LINGO2: variants seen among roughly 807,000 people sequenced by gnomAD.
LINGO2 encodes leucine rich repeat and Ig domain containing 2.
Under a neutral mutation model 30.6 loss-of-function variants are expected in LINGO2, and 14 were observed. The ratio of observed to expected loss-of-function variants is 0.46; its 90% confidence interval spans 0.30 to 0.72. The LOEUF (loss-of-function observed/expected upper bound fraction) is 0.72. LINGO2 is among the 30% of genes least tolerant of loss of function. The probability of loss-of-function intolerance (pLI) is 0.07; values close to 1 mark genes in which losing one functional copy is unlikely to be tolerated. For synonymous variants in LINGO2, 317 were observed against 288.5 expected, an observed-to-expected ratio of 1.10 and a Z score of -1.00; for missense variants, 729 against 751.7, an observed-to-expected ratio of 0.97 and a Z score of 0.35.
At chr9:28,501,918 A>C (rs1051515296) in intron 1 of LINGO2, among the ~76,000 whole-genome samples, 5 of 152,094 alleles carry the variant, frequency 3.3e-5, no homozygotes. Flanking sequence ...TGGAAACACA[A>C]ATTAAAGTGA....
rs16912159 is a variant in LINGO2 at position 27,973,996 on chromosome 9, T to C, written c.-35-23290A>G. 9.4e-3 allele frequency among the ~76,000 whole-genome samples: 1,434 copies of C among 152,232 alleles called. 25 individuals are homozygous for C. Among genetic ancestry groups the C allele is most frequent in the African/African-American group, 0.033 (1,368 of 41,554 alleles). ...TTTCTCTTCTACTCAAGAGTACAAA[T>C]GGACTCAAGAGTAAGTAAAAATGGT... On this transcript the variant is annotated intron_variant, in intron 5 of 5. Transcript: ENST00000379992.
intron 4 of LINGO2, among the ~76,000 whole-genome samples, chr9:28,172,024 A>AAC (rs1554682021): frequency 2.2e-5 from 2 of 92,192 alleles, no homozygotes; most frequent in South Asian, 3.5e-4. Flanking sequence ...CTCAAAAAAA[A>AAC]AAAAAAAAAC....
At chr9:28,107,861 T>C (rs1826644303) in intron 4 of LINGO2, among the ~76,000 whole-genome samples, 1 of 152,076 alleles carries the variant, frequency 6.6e-6, no homozygotes, top group Admixed American at 6.6e-5. Context: ...GTCATCAAAG[T>C]CTAAAATTCA....
chr9:28,172,014 C>T (rs1436395666), intron 4 of LINGO2, among the ~76,000 whole-genome samples: 1 of 10,392 alleles, frequency 9.6e-5, no homozygotes, highest in Non-Finnish European at 1.5e-4. Context: ...AAGACTCCGT[C>T]TCAAAAAAAA....
chr9:28,392,677 C>T (rs1821887607), intron 2 of LINGO2, among the ~76,000 whole-genome samples: 1 of 152,132 alleles, frequency 6.6e-6, no homozygotes, highest in South Asian at 2.1e-4. Context: ...TTCCAGCCCT[C>T]TAATCACTTG....
the LINGO2 span, among the ~76,000 whole-genome samples, chr9:29,032,189 A>G: frequency 6.6e-6 from 1 of 152,200 alleles, no homozygotes; most frequent in Non-Finnish European, 1.5e-5. Context: ...TACAGAAGGC[A>G]TATTCAGTGG....
the LINGO2 span, among the ~76,000 whole-genome samples, chr9:29,025,957 C>T: frequency 1.3e-5 from 2 of 152,136 alleles, no homozygotes; most frequent in African/African-American, 4.8e-5. Flanking sequence ...CATGTTGTTG[C>T]ATATGACAGG....
At chr9:27,978,758 C>T (rs1336396473) in intron 5 of LINGO2, among the ~76,000 whole-genome samples, 1 of 151,912 alleles carries the variant, frequency 6.6e-6, no homozygotes, top group Non-Finnish European at 1.5e-5. Flanking sequence ...GAATCCAGCA[C>T]CAAGGCCTAA....
the LINGO2 span, among the ~76,000 whole-genome samples, chr9:28,905,074 A>G: frequency 6.6e-6 from 1 of 152,050 alleles, no homozygotes; most frequent in African/African-American, 2.4e-5. Flanking sequence ...AGTGTACACA[A>G]GCAGAAAAAA....
intron 4 of LINGO2, among the ~76,000 whole-genome samples, chr9:28,182,972 A>T (rs1051574151): frequency 1.3e-5 from 2 of 152,190 alleles, no homozygotes; most frequent in Non-Finnish European, 2.9e-5. Flanking sequence ...TACCCAAAGG[A>T]ATATAAATCA....
At chr9:28,229,592 T>C (rs886509548) in intron 4 of LINGO2, among the ~76,000 whole-genome samples, 1 of 151,818 alleles carries the variant, frequency 6.6e-6, no homozygotes, top group Non-Finnish European at 1.5e-5. Flanking sequence ...AAAGATCTAA[T>C]ATGTGATGAC....
At chr9:27,962,156 C>A (rs544766947) in intron 5 of LINGO2, among the ~76,000 whole-genome samples, 1 of 152,080 alleles carries the variant, frequency 6.6e-6, no homozygotes, top group Non-Finnish European at 1.5e-5. Flanking sequence ...TTATGATGTA[C>A]TTCATACTTT....
intron 4 of LINGO2, among the ~76,000 whole-genome samples, chr9:28,267,688 C>G (rs1275490735): frequency 1.3e-5 from 2 of 151,940 alleles, no homozygotes; most frequent in African/African-American, 4.8e-5. Context: ...TTTTATGAAC[C>G]CTTCATGAAC....
chr9:28,347,694 G>A (rs771419829), intron 3 of LINGO2, among the ~76,000 whole-genome samples: 6 of 152,168 alleles, frequency 3.9e-5, no homozygotes, highest in Non-Finnish European at 7.3e-5. Flanking sequence ...ACTCCACTCT[G>A]TAATTCATTA....
Position 28,347,256 on chromosome 9 carries a change from G to T in LINGO2, c.-246+25580C>A, listed in dbSNP as rs145687284. Among the ~76,000 whole-genome samples the T allele has an allele frequency of 5.1e-3, 772 of 152,174 alleles. 6 individuals carry two copies. Among genetic ancestry groups the T allele is most frequent in the African/African-American group, 0.018 (744 of 41,516 alleles). Reference sequence around the variant, plus strand: ...ATTAAACCTATTATAGCCTTTATTGGATATTTAAATATTCCTAGTTCCTAT... The same window carrying T: ...ATTAAACCTATTATAGCCTTTATTGTATATTTAAATATTCCTAGTTCCTAT... On this transcript the variant is annotated intron_variant, in intron 3 of 5. Coordinates refer to ENST00000379992, the Ensembl canonical transcript of LINGO2.
the LINGO2 span, among the ~76,000 whole-genome samples, chr9:29,015,329 A>C: frequency 6.6e-6 from 1 of 152,182 alleles, no homozygotes; most frequent in African/African-American, 2.4e-5. Flanking sequence ...AAAGTTTTGC[A>C]CATATATTAA....
chr9:27,974,139 C>T (rs536335608), intron 5 of LINGO2, among the ~76,000 whole-genome samples: 25 of 152,226 alleles, frequency 1.6e-4, no homozygotes, highest in South Asian at 6.2e-4. Context: ...ACAACTGCTG[C>T]GTGAACACGC....
At chr9:29,104,395 A>G in the LINGO2 span, among the ~76,000 whole-genome samples, 4 of 152,162 alleles carry the variant, frequency 2.6e-5, no homozygotes, top group East Asian at 7.8e-4. Flanking sequence ...AAGACAGAGC[A>G]GGAGAGAGAG....
At chr9:28,360,914 T>G (rs1039216054) in intron 3 of LINGO2, among the ~76,000 whole-genome samples, 1 of 152,128 alleles carries the variant, frequency 6.6e-6, no homozygotes, top group Non-Finnish European at 1.5e-5. Context: ...AAAAAACAAC[T>G]AGATTTAAAT....
Sources: gnomAD v4.1 joint callset for allele counts (sites outside exome capture counted in the v4.1 genomes callset) on GRCh38, gnomAD v4.1.1 for gene constraint, MANE v1.5 for transcripts, NCBI Gene and HGNC (gene_info 2026-07-23, HGNC 2026-07-21) for gene names.